Variants in RAP1GDS1 observed in about 807,000 individuals in gnomAD.
RAP1GDS1 encodes the protein RAP1, GTP-GDP dissociation stimulator 1.
In RAP1GDS1, 35 loss-of-function variants were observed where a neutral mutation model predicts 71.1. The ratio of observed to expected loss-of-function variants is 0.49; its 90% CI spans 0.38 to 0.65. The LOEUF is 0.65. RAP1GDS1 is among the 30% of genes least tolerant of loss of function. RAP1GDS1 has a pLI of 0.00. For synonymous variants in RAP1GDS1, 229 were observed against 243.1 expected, an observed-to-expected ratio of 0.94 and a Z score of 0.54; for missense variants, 663 against 706.1, an observed-to-expected ratio of 0.94 and a Z score of 0.69.
At chr4:98,366,474 G>A (rs1164176782) in intron 4 of RAP1GDS1, among the ~76,000 whole-genome samples, 1 of 152,098 alleles carries the variant, frequency 6.6e-6, no homozygotes, top group Non-Finnish European at 1.5e-5. Flanking sequence ...ACCAGGAGTG[G>A]GGCACTGCTG....
rs182685965 is a variant in RAP1GDS1 at position 98,292,366 on chromosome 4, T to C, written c.5-1042T>C. 3.9e-4 allele frequency among the ~76,000 whole-genome samples: 60 copies of C among 152,182 alleles called. No individual in the cohort carries two copies. In the East Asian group the frequency reaches 0.01, roughly 26 times the overall value. On this transcript the variant is annotated intron_variant, in intron 1 of 14. Coordinates refer to ENST00000408927, the MANE Select transcript of RAP1GDS1 (RefSeq NM_001100427.2). ...CCGGGCCGGTATCAAACTCCTAGCC[T>C]CAAGTGATCCTTCCACCTTGGCCTC...
intron 1 of RAP1GDS1, among the ~76,000 whole-genome samples, chr4:98,270,373 A>G (rs756580947): frequency 4.2e-4 from 64 of 152,302 alleles, no homozygotes; most frequent in Non-Finnish European, 6.9e-4. Context: ...GGTATCTTAA[A>G]TATAACCTCT....
intron 2 of RAP1GDS1, among the ~76,000 whole-genome samples, chr4:98,318,240 G>A (rs913472400): frequency 6.6e-6 from 1 of 152,050 alleles, no homozygotes; most frequent in African/African-American, 2.4e-5. Flanking sequence ...TTTAACATGG[G>A]ACCTACAAAA....
At chr4:98,283,187 C>T (rs116315024) in intron 1 of RAP1GDS1, among the ~76,000 whole-genome samples, 1,666 of 152,228 alleles carry the variant, frequency 0.011, 35 homozygotes, top group African/African-American at 0.038. Flanking sequence ...GCAAAACTTA[C>T]ATTGATGTAG....
chr4:98,376,394 AGAGTT>A (rs1741190798), intron 4 of RAP1GDS1, among the ~76,000 whole-genome samples: 1 of 152,050 alleles, frequency 6.6e-6, no homozygotes, highest in Admixed American at 6.6e-5. Flanking sequence ...ATGAAGGTAT[AGAGTT>A]AACTATGGAA....
At chr4:98,317,831 T>C (rs1731175818) in intron 2 of RAP1GDS1, among the ~76,000 whole-genome samples, 1 of 147,760 alleles carries the variant, frequency 6.8e-6, no homozygotes, top group Non-Finnish European at 1.5e-5. Context: ...TATATATTTT[T>C]TTTTCTTTTC....
intron 2 of RAP1GDS1, among the ~76,000 whole-genome samples, chr4:98,332,105 AATT>A: frequency 6.6e-6 from 1 of 152,318 alleles, no homozygotes; most frequent in Admixed American, 6.5e-5. Context: ...TCTGCAGTGT[AATT>A]GCTTCTTCTT....
At chr4:98,276,162 G>A in intron 1 of RAP1GDS1, among the ~76,000 whole-genome samples, 1 of 152,092 alleles carries the variant, frequency 6.6e-6, no homozygotes, top group East Asian at 1.9e-4. Context: ...ACCTCACACG[G>A]TAGAAGGAGT....
intron 13 of RAP1GDS1, 23 bp from the exon 14 acceptor site, chr4:98,436,917 G>A: frequency 6.3e-7 from 1 of 1,581,310 alleles, no homozygotes; most frequent in Non-Finnish European, 8.6e-7. Flanking sequence ...GTACGCAGTA[G>A]ATATACTTTG....
chr4:98,438,319 T>G (rs1048584609), intron 14 of RAP1GDS1, among the ~76,000 whole-genome samples: 2 of 151,738 alleles, frequency 1.3e-5, no homozygotes, highest in African/African-American at 4.8e-5. Flanking sequence ...AACATTCACA[T>G]GATCTTTTCT....
rs34393905 is a variant in RAP1GDS1 at position 98,363,478 on chromosome 4, C to CAAAAAAAAAAAA, written c.361+10893_361+10904dup. Among the ~76,000 whole-genome samples, 47 of 37,730 alleles carry CAAAAAAAAAAAA rather than the reference C, an allele frequency of 1.2e-3. 3 individuals are homozygous for CAAAAAAAAAAAA. The highest frequency in any genetic ancestry group is 2.0e-3 in the South Asian group (2 of 1,014). 24.8% of individuals were successfully genotyped at this position (37,730 alleles called of 152,430 possible). A position where few individuals can be genotyped will look rare whatever the true frequency, so the allele number is the denominator to read the frequency against. Reference sequence around the variant, plus strand: ...CCTAAATAACAGTGAGACCCTGTCTCAAAAAAAAAAAAAAAAAAAAAAAAA... The same window carrying CAAAAAAAAAAAA: ...CCTAAATAACAGTGAGACCCTGTCTCAAAAAAAAAAAAAAAAAAAAAAAAAAAAAAAAAAAAA... On this transcript the variant is annotated intron_variant, in intron 4 of 14. Coordinates refer to ENST00000408927, the MANE Select transcript of RAP1GDS1 (RefSeq NM_001100427.2).
intron 4 of RAP1GDS1, among the ~76,000 whole-genome samples, chr4:98,359,212 G>A (rs35484325): frequency 0.14 from 20,752 of 151,952 alleles, 2,024 homozygotes; most frequent in African/African-American, 0.27. Flanking sequence ...TTACGGAGTG[G>A]GAATTCGTAT....
At chr4:98,292,000 A>G (rs544029435) in intron 1 of RAP1GDS1, among the ~76,000 whole-genome samples, 2 of 152,314 alleles carry the variant, frequency 1.3e-5, no homozygotes, top group South Asian at 4.1e-4. Context: ...CCAACTACGT[A>G]TATATTGAGA....
intron 4 of RAP1GDS1, among the ~76,000 whole-genome samples, chr4:98,365,685 A>G (rs1487806179): frequency 1.3e-5 from 2 of 152,222 alleles, no homozygotes; most frequent in Non-Finnish European, 2.9e-5. Flanking sequence ...TCCTGCAATA[A>G]TGATATAAGG....
Position 98,412,627 on chromosome 4 carries a change from T to C in RAP1GDS1, c.764-4118T>C, listed in dbSNP as rs145310459. Among the ~76,000 whole-genome samples the C allele has an allele frequency of 8.0e-3, 1,219 of 152,300 alleles. 16 individuals carry two copies. Among genetic ancestry groups the C allele is most frequent in the African/African-American group, 0.027 (1,135 of 41,550 alleles). Reference sequence around the variant, plus strand: ...TTAGATAGGCCAGTTTAGGTTAAGATACAAAGATGAGTAAGGTGTATCTAT... The same window carrying C: ...TTAGATAGGCCAGTTTAGGTTAAGACACAAAGATGAGTAAGGTGTATCTAT... On this transcript the variant is annotated intron_variant, in intron 7 of 14. Coordinates refer to ENST00000408927, the MANE Select transcript of RAP1GDS1 (RefSeq NM_001100427.2).
Position 98,410,380 on chromosome 4 carries a change from A to G in RAP1GDS1, c.763+5778A>G, listed in dbSNP as rs1293292888. On this transcript the variant is annotated intron_variant, in intron 7 of 14. Coordinates refer to ENST00000408927, the MANE Select transcript of RAP1GDS1 (RefSeq NM_001100427.2). ...AATAAAACCACAATAAAATACCACT[A>G]TACACCCACTGGAAAGTCTCATAAA... Among the ~76,000 whole-genome samples, 5 of 152,164 alleles carry G rather than the reference A, an allele frequency of 3.3e-5. No individual in the cohort carries two copies. The South Asian group carries it at 6.2e-4, about 19-fold the overall frequency.
chr4:98,285,783 T>A (rs897562146), intron 1 of RAP1GDS1, among the ~76,000 whole-genome samples: 1 of 148,050 alleles, frequency 6.8e-6, no homozygotes, highest in African/African-American at 2.5e-5. Context: ...ATAATTATAA[T>A]AATGGGCACT....
intron 2 of RAP1GDS1, among the ~76,000 whole-genome samples, chr4:98,339,536 A>G (rs1735178295): frequency 1.3e-5 from 2 of 152,148 alleles, no homozygotes; most frequent in African/African-American, 4.8e-5. Context: ...TTTTTTTTAA[A>G]CAAGACTTCT....
intron 3 of RAP1GDS1, among the ~76,000 whole-genome samples, chr4:98,347,175 G>A (rs1001890128): frequency 6.6e-6 from 1 of 152,050 alleles, no homozygotes; most frequent in Non-Finnish European, 1.5e-5. Context: ...GTAGATGTTA[G>A]GTTTTTTAAT....
Sources: gnomAD v4.1 joint callset for allele counts (sites outside exome capture counted in the v4.1 genomes callset) on GRCh38, gnomAD v4.1.1 for gene constraint, MANE v1.5 for transcripts, NCBI Gene and HGNC (gene_info 2026-07-23, HGNC 2026-07-21) for gene names.